Variants in WWOX observed in about 807,000 individuals in gnomAD.
WWOX encodes WW domain-containing oxidoreductase.
WWOX carries 69 observed loss-of-function variants against 46.2 expected under a neutral mutation model. That is an observed-to-expected ratio of 1.49 (90% CI 1.23 to 1.82). WWOX has a LOEUF of 1.82. Among genes scored for constraint, WWOX ranks in the 40% most tolerant of loss-of-function variants. The pLI is 0.00. For missense variants in WWOX, 919 were observed against 542.6 expected (o/e 1.69, Z -6.89); for synonymous variants, 359 against 202.6 (o/e 1.77, Z -6.56).
At chr16:78,311,578 C>T (rs2080244746) in intron 5 of WWOX, among the ~76,000 whole-genome samples, 1 of 152,266 alleles carries the variant, frequency 6.6e-6, no homozygotes, top group East Asian at 1.9e-4. Flanking sequence ...GCAATGTGAC[C>T]TTACAAATAC....
chr16:78,817,791 G>C (rs2051378854), intron 8 of WWOX, among the ~76,000 whole-genome samples: 1 of 152,140 alleles, frequency 6.6e-6, no homozygotes, highest in African/African-American at 2.4e-5. Flanking sequence ...CTCTGTCTTG[G>C]ATGGAAAGAG....
At chr16:78,852,948 A>C (rs1043673696) in intron 8 of WWOX, among the ~76,000 whole-genome samples, 3 of 152,200 alleles carry the variant, frequency 2.0e-5, no homozygotes, top group Non-Finnish European at 4.4e-5. Flanking sequence ...GACATACTGG[A>C]GATCAGTCAG....
intron 8 of WWOX, among the ~76,000 whole-genome samples, chr16:79,033,715 A>T (rs1463710368): frequency 6.6e-6 from 1 of 152,136 alleles, no homozygotes; most frequent in East Asian, 1.9e-4. Context: ...CTGGCTCCTC[A>T]TCACCTCCCC....
intron 7 of WWOX, among the ~76,000 whole-genome samples, chr16:78,426,212 G>A (rs1325792804): frequency 6.6e-6 from 1 of 152,214 alleles, no homozygotes; most frequent in Non-Finnish European, 1.5e-5. Context: ...CACCAGGTTT[G>A]TGAAGGAAAG....
At chr16:78,605,424 G>A (rs8046002) in intron 8 of WWOX, among the ~76,000 whole-genome samples, 14,553 of 150,636 alleles carry the variant, frequency 0.097, 1,428 homozygotes, top group African/African-American at 0.25. Flanking sequence ...AGGGAACCTC[G>A]CTCTTCTACT....
At chr16:79,058,186 T>G (rs9921688) in intron 8 of WWOX, among the ~76,000 whole-genome samples, 97,809 of 151,018 alleles carry the variant, frequency 0.65, 33,275 homozygotes, top group African/African-American at 0.88. Context: ...TGTGTACCTG[T>G]ATAGAGAGAG....
chr16:78,864,555 C>A (rs2043960741), intron 8 of WWOX, among the ~76,000 whole-genome samples: 1 of 152,062 alleles, frequency 6.6e-6, no homozygotes, highest in Admixed American at 6.6e-5. Flanking sequence ...AGGCATGAGC[C>A]ACTGCACCCA....
intron 5 of WWOX, among the ~76,000 whole-genome samples, chr16:78,333,639 A>G (rs2080815760): frequency 6.6e-6 from 1 of 152,198 alleles, no homozygotes; most frequent in Non-Finnish European, 1.5e-5. Context: ...ATATAGGAGT[A>G]CTTCATTAAG....
chr16:78,665,666 C>T (rs1435247692), intron 8 of WWOX, among the ~76,000 whole-genome samples: 1 of 152,138 alleles, frequency 6.6e-6, no homozygotes, highest in South Asian at 2.1e-4. Flanking sequence ...TGACCCAAGA[C>T]ACACATGGAA....
chr16:79,204,162 C>G (rs2051432631), intron 8 of WWOX: 1 of 152,118 alleles, frequency 6.6e-6, no homozygotes, highest in South Asian at 2.1e-4. Flanking sequence ...TGTTTCATCC[C>G]TATTCATAAA....
intron 8 of WWOX, among the ~76,000 whole-genome samples, chr16:78,659,660 T>C (rs1266060165): frequency 2.0e-5 from 3 of 152,030 alleles, no homozygotes; most frequent in African/African-American, 7.3e-5. Context: ...TTCAGGAGAG[T>C]TGTGTTTACT....
chr16:78,855,486 C>G (rs900352643), intron 8 of WWOX, among the ~76,000 whole-genome samples: 3 of 152,124 alleles, frequency 2.0e-5, no homozygotes, highest in African/African-American at 4.8e-5. Context: ...TTTGCAGAAA[C>G]TTTGGCGAAA....
chr16:78,764,119 G>C (rs764163817), intron 8 of WWOX, among the ~76,000 whole-genome samples: 1 of 152,130 alleles, frequency 6.6e-6, no homozygotes, highest in African/African-American at 2.4e-5. Flanking sequence ...GATAAAAATC[G>C]TGTCACCACT....
chr16:78,533,445 T>A (rs547149533), intron 8 of WWOX, among the ~76,000 whole-genome samples: 16 of 151,760 alleles, frequency 1.1e-4, no homozygotes, highest in Admixed American at 1.0e-3. Flanking sequence ...AATCTCATAA[T>A]GTTTTAAGAA....
chr16:78,640,679 C>G (rs968649516), intron 8 of WWOX, among the ~76,000 whole-genome samples: 1 of 152,114 alleles, frequency 6.6e-6, no homozygotes, highest in African/African-American at 2.4e-5. Context: ...TGGCTCACGC[C>G]TGTAATCCTA....
At chr16:78,651,344 T>G (rs192335969) in intron 8 of WWOX, among the ~76,000 whole-genome samples, 1 of 152,222 alleles carries the variant, frequency 6.6e-6, no homozygotes, top group African/African-American at 2.4e-5. Context: ...AGAAAAGATA[T>G]AACGATTGAA....
chr16:78,272,096 C>G (rs1863097877), intron 5 of WWOX, among the ~76,000 whole-genome samples: 1 of 152,196 alleles, frequency 6.6e-6, no homozygotes, highest in African/African-American at 2.4e-5. Context: ...TACCCCAAAA[C>G]TTAGAGGCTT....
At chr16:78,399,750 T>A (rs542523539) in intron 6 of WWOX, among the ~76,000 whole-genome samples, 2 of 152,316 alleles carry the variant, frequency 1.3e-5, no homozygotes, top group South Asian at 4.1e-4. Context: ...TTTCTCCTCT[T>A]AGCATCCTAA....
At chr16:78,184,030 A>G (rs1313211142) in intron 5 of WWOX, among the ~76,000 whole-genome samples, 1 of 152,166 alleles carries the variant, frequency 6.6e-6, no homozygotes. Context: ...GCTCCAATAT[A>G]AAAACCTCCC....
Sources: gnomAD v4.1 joint callset for allele counts (sites outside exome capture counted in the v4.1 genomes callset) on GRCh38, gnomAD v4.1.1 for gene constraint, MANE v1.5 for transcripts, NCBI Gene and HGNC (gene_info 2026-07-23, HGNC 2026-07-21) for gene names.